Variants in CCBE1 observed in about 807,000 individuals in gnomAD.
The protein encoded by CCBE1 is collagen and calcium binding EGF domains 1.
CCBE1 carries 37 observed loss-of-function variants against 50.0 expected under a neutral mutation model. The observed-to-expected ratio is 0.74, with a 90% confidence interval of 0.57 to 0.97. The LOEUF (loss-of-function observed/expected upper bound fraction) is 0.97. Ranked by LOEUF, CCBE1 falls within the 50% of genes least tolerant of loss-of-function variation. The pLI is 0.00. For missense variants in CCBE1, 538 were observed against 523.8 expected (o/e 1.03, Z -0.26); for synonymous variants, 234 against 203.7 (o/e 1.15, Z -1.27).
At chr18:59,552,952 T>A (rs1915982180) in intron 2 of CCBE1, among the ~76,000 whole-genome samples, 1 of 152,176 alleles carries the variant, frequency 6.6e-6, no homozygotes, top group African/African-American at 2.4e-5. Context: ...ACAGTAACAC[T>A]GAGGAGATAA....
At chr18:59,571,392 C>T (rs987219274) in intron 2 of CCBE1, among the ~76,000 whole-genome samples, 1 of 150,410 alleles carries the variant, frequency 6.6e-6, no homozygotes, top group Admixed American at 6.7e-5. Flanking sequence ...AAACCAAACA[C>T]CGCATGTTCT....
intron 2 of CCBE1, among the ~76,000 whole-genome samples, chr18:59,488,210 G>C (rs1318025828): frequency 1.3e-5 from 2 of 152,228 alleles, no homozygotes; most frequent in Non-Finnish European, 1.5e-5. Flanking sequence ...GGAAGTTACT[G>C]GGTAACGGAT....
At chr18:59,491,427 C>T (rs980130098) in intron 2 of CCBE1, among the ~76,000 whole-genome samples, 8 of 152,248 alleles carry the variant, frequency 5.3e-5, no homozygotes, top group South Asian at 4.2e-4. Context: ...TAATTGCCTT[C>T]ATTTTTCTTG....
intron 2 of CCBE1, among the ~76,000 whole-genome samples, chr18:59,544,578 C>A (rs1446089328): frequency 6.6e-6 from 1 of 152,160 alleles, no homozygotes; most frequent in Non-Finnish European, 1.5e-5. Context: ...CTTTCCCTTT[C>A]GAGGTCCTCT....
At chr18:59,669,179 C>A (rs4263038) in intron 2 of CCBE1, among the ~76,000 whole-genome samples, 1 of 152,070 alleles carries the variant, frequency 6.6e-6, no homozygotes, top group African/African-American at 2.4e-5. Context: ...TTTTTAGCTA[C>A]ACTTATTTTC....
chr18:59,697,211 C>T lies in CCBE1; in HGVS notation c.131+1G>A. On this transcript the variant is annotated splice_donor_variant, in intron 1 of 10. Coordinates refer to ENST00000439986, the MANE Select transcript of CCBE1 (RefSeq NM_133459.4). LOFTEE classifies it high-confidence loss of function. ...CCTCCGCTGGGGCTTGCAGCGCTTA[C>T]CTGTCGCCGTCCTCCGGCTCCTCTC... is the stretch of plus-strand genomic sequence containing the variant. 1 of 1,548,674 alleles carries T rather than the reference C, an allele frequency of 6.5e-7. No individual in the cohort carries two copies. Among genetic ancestry groups the T allele is most frequent in the Non-Finnish European group, 8.7e-7 (1 of 1,146,704 alleles).
At chr18:59,589,343 C>A (rs566033880) in intron 2 of CCBE1, among the ~76,000 whole-genome samples, 1 of 152,246 alleles carries the variant, frequency 6.6e-6, no homozygotes, top group Admixed American at 6.5e-5. Context: ...GCAACAGGCC[C>A]ATATGGTTTT....
intron 2 of CCBE1, among the ~76,000 whole-genome samples, chr18:59,537,472 T>G (rs1915296862): frequency 6.6e-6 from 1 of 152,192 alleles, no homozygotes. Context: ...CCTGATGGTT[T>G]TATAAGAGGA....
intron 2 of CCBE1, among the ~76,000 whole-genome samples, chr18:59,513,548 G>A (rs985417269): frequency 1.3e-5 from 2 of 152,188 alleles, no homozygotes; most frequent in African/African-American, 4.8e-5. Context: ...AAGTCTGGAG[G>A]CAGGTGGCAG....
At chr18:59,529,612 C>T (rs927582560) in intron 2 of CCBE1, among the ~76,000 whole-genome samples, 1 of 152,202 alleles carries the variant, frequency 6.6e-6, no homozygotes, top group African/African-American at 2.4e-5. Flanking sequence ...GGGAGCTCCC[C>T]TTGCCCTGTG....
chr18:59,570,536 C>A (rs1046506279), intron 2 of CCBE1, among the ~76,000 whole-genome samples: 1 of 152,190 alleles, frequency 6.6e-6, no homozygotes, highest in Non-Finnish European at 1.5e-5. Context: ...TTGGATTTGA[C>A]GTAAGCTCCA....
intron 2 of CCBE1, among the ~76,000 whole-genome samples, chr18:59,522,993 C>CAAAAA (rs57217059): frequency 0.011 from 969 of 89,132 alleles, 55 homozygotes; most frequent in African/African-American, 0.036. Flanking sequence ...GACTCTGTTT[C>CAAAAA]AAAAAAAAAA....
chr18:59,518,205 C>T (rs1379515025), intron 2 of CCBE1, among the ~76,000 whole-genome samples: 1 of 152,166 alleles, frequency 6.6e-6, no homozygotes, highest in Non-Finnish European at 1.5e-5. Context: ...GAGAACAAAG[C>T]TGGCTGGGCA....
intron 2 of CCBE1, among the ~76,000 whole-genome samples, chr18:59,688,793 T>C (rs1474721571): frequency 6.6e-6 from 1 of 152,208 alleles, no homozygotes; most frequent in African/African-American, 2.4e-5. Context: ...CAACTAAAGA[T>C]GCTTGGCCAA....
chr18:59,618,668 T>A (rs1289792255), intron 2 of CCBE1, among the ~76,000 whole-genome samples: 1 of 152,116 alleles, frequency 6.6e-6, no homozygotes, highest in Non-Finnish European at 1.5e-5. Flanking sequence ...CCTCAAGTGA[T>A]CCACCCACCT....
At chr18:59,447,060 C>T (rs1431042973) in intron 7 of CCBE1, among the ~76,000 whole-genome samples, 1 of 152,056 alleles carries the variant, frequency 6.6e-6, no homozygotes, top group Non-Finnish European at 1.5e-5. Context: ...TTTAAGTTCT[C>T]ATTGTATATT....
At chr18:59,561,012 C>CA (rs1218381755) in intron 2 of CCBE1, among the ~76,000 whole-genome samples, 2 of 151,882 alleles carry the variant, frequency 1.3e-5, no homozygotes, top group African/African-American at 4.8e-5. Context: ...AGCGTCCCCC[C>CA]ATTCCAAATG....
chr18:59,486,581 C>A (rs995477708), intron 2 of CCBE1, among the ~76,000 whole-genome samples: 2 of 152,282 alleles, frequency 1.3e-5, no homozygotes, highest in Middle Eastern at 3.4e-3. Flanking sequence ...GAGGATTGTG[C>A]AGGGTGGAAT....
At chr18:59,452,079 C>T (rs1451654173) in intron 6 of CCBE1, among the ~76,000 whole-genome samples, 1 of 152,128 alleles carries the variant, frequency 6.6e-6, no homozygotes, top group African/African-American at 2.4e-5. Context: ...TGCAGACTGC[C>T]GGAACCCAGG....
Sources: gnomAD v4.1 joint callset for allele counts (sites outside exome capture counted in the v4.1 genomes callset) on GRCh38, gnomAD v4.1.1 for gene constraint, MANE v1.5 for transcripts, NCBI Gene and HGNC (gene_info 2026-07-23, HGNC 2026-07-21) for gene names.